Variants in ADAMTSL1 observed in about 807,000 individuals in gnomAD.
ADAMTSL1 encodes the protein ADAMTS like 1.
ADAMTSL1 carries 126 observed loss-of-function variants against 201.8 expected under a neutral mutation model. The ratio of observed to expected loss-of-function variants is 0.62; its 90% CI spans 0.54 to 0.72. ADAMTSL1 has a LOEUF of 0.72. Ranked by LOEUF, ADAMTSL1 falls within the 30% of genes least tolerant of loss-of-function variation. The pLI is 0.00. For synonymous variants in ADAMTSL1, 1,121 were observed against 903.4 expected (o/e 1.24, Z -4.32); for missense variants, 2,679 against 2,277.8 (o/e 1.18, Z -3.59).
intron 21 of ADAMTSL1, among the ~76,000 whole-genome samples, chr9:18,819,141 G>C (rs1824045139): frequency 6.6e-6 from 1 of 152,096 alleles, no homozygotes; most frequent in Non-Finnish European, 1.5e-5. Context: ...TTCTTGAGAG[G>C]TGGAACTGGT....
chr9:17,909,379 TAC>T (rs1825845917), intron 1 of ADAMTSL1, among the ~76,000 whole-genome samples: 2 of 145,878 alleles, frequency 1.4e-5, no homozygotes, highest in African/African-American at 4.9e-5. Context: ...TGGTGTTTTA[TAC>T]ATGAAGTCCT....
intron 2 of ADAMTSL1, among the ~76,000 whole-genome samples, chr9:18,322,184 G>C (rs1834649257): frequency 6.6e-6 from 1 of 152,080 alleles, no homozygotes; most frequent in Admixed American, 6.5e-5. Flanking sequence ...TATCAGCTGA[G>C]TTGCCCCTTT....
intron 1 of ADAMTSL1, among the ~76,000 whole-genome samples, chr9:18,159,833 T>C (rs953981698): frequency 6.6e-6 from 1 of 152,044 alleles, no homozygotes; most frequent in African/African-American, 2.4e-5. Context: ...GTATAAAATG[T>C]ATATTGCAGA....
chr9:18,613,851 A>C (rs1034536108), intron 4 of ADAMTSL1, among the ~76,000 whole-genome samples: 6 of 152,152 alleles, frequency 3.9e-5, no homozygotes, highest in Non-Finnish European at 8.8e-5. Context: ...CTATGTAACA[A>C]AGCTGCACAT....
intron 20 of ADAMTSL1, among the ~76,000 whole-genome samples, chr9:18,800,722 A>G (rs1421784781): frequency 1.3e-5 from 2 of 152,180 alleles, no homozygotes; most frequent in Non-Finnish European, 2.9e-5. Flanking sequence ...CATCTATTCA[A>G]TGGAATGCAG....
rs577746692 is a variant in ADAMTSL1, at chr9:18,849,649, G to A, written c.4249+19672G>A. Among the ~76,000 whole-genome samples the A allele has an allele frequency of 3.9e-5, 6 of 152,290 alleles. 1 individual carries two copies. Among genetic ancestry groups the A allele is most frequent in the African/African-American group, 9.6e-5 (4 of 41,558 alleles). ...CCCTTGAGGAGTGGGAAAGGAAGACGGAGGGAAAGGGAAGGACTCATGTCA... is the reference window on the plus strand; with the variant it reads ...CCCTTGAGGAGTGGGAAAGGAAGACAGAGGGAAAGGGAAGGACTCATGTCA... On this transcript the variant is annotated intron_variant, in intron 23 of 28. Coordinates refer to ENST00000380548, the MANE Select transcript of ADAMTSL1 (RefSeq NM_001040272.6).
intron 1 of ADAMTSL1, among the ~76,000 whole-genome samples, chr9:18,156,877 G>A (rs146141529): frequency 6.8e-4 from 103 of 152,172 alleles, no homozygotes; most frequent in Middle Eastern, 6.8e-3. Context: ...TGTTCCCTTC[G>A]TGAAAGGAAT....
intron 1 of ADAMTSL1, among the ~76,000 whole-genome samples, chr9:18,017,325 G>A (rs960694986): frequency 6.6e-6 from 1 of 151,878 alleles, no homozygotes; most frequent in African/African-American, 2.4e-5. Context: ...TTTGGAATAT[G>A]CTTCCAAGTT....
chr9:17,955,076 A>G (rs1235814367), intron 1 of ADAMTSL1, among the ~76,000 whole-genome samples: 1 of 152,218 alleles, frequency 6.6e-6, no homozygotes, highest in Non-Finnish European at 1.5e-5. Context: ...ATATATGTGT[A>G]TATTTGATGC....
chr9:18,836,478 G>A (rs1825314904), intron 23 of ADAMTSL1, among the ~76,000 whole-genome samples: 1 of 151,926 alleles, frequency 6.6e-6, no homozygotes, highest in Non-Finnish European at 1.5e-5. Flanking sequence ...AATTACTTTT[G>A]AGAACTGTTT....
intron 1 of ADAMTSL1, among the ~76,000 whole-genome samples, chr9:18,039,597 A>G (rs1821350033): frequency 3.3e-5 from 5 of 152,142 alleles, no homozygotes; most frequent in Admixed American, 3.3e-4. Flanking sequence ...GCATTGAGCA[A>G]ATTAACTGAG....
chr9:18,293,634 G>A (rs796153043), intron 2 of ADAMTSL1, among the ~76,000 whole-genome samples: 7 of 152,298 alleles, frequency 4.6e-5, no homozygotes, highest in South Asian at 2.1e-4. Context: ...GAAGAATCAT[G>A]GGGAAGATAA....
chr9:18,681,707 G>GT, intron 11 of ADAMTSL1, 105 bp from the exon 12 acceptor site: 2 of 739,844 alleles, frequency 2.7e-6, no homozygotes, highest in South Asian at 3.0e-5. Flanking sequence ...TGGGGGGGGG[G>GT]GGCGGGGAAA....
At chr9:18,367,551 T>G (rs887677132) in intron 2 of ADAMTSL1, among the ~76,000 whole-genome samples, 1 of 152,000 alleles carries the variant, frequency 6.6e-6, no homozygotes, top group Non-Finnish European at 1.5e-5. Context: ...ACACTGATAA[T>G]AGAAATAATT....
intron 26 of ADAMTSL1, among the ~76,000 whole-genome samples, chr9:18,905,289 C>G (rs1045290027): frequency 1.1e-4 from 17 of 152,140 alleles, no homozygotes; most frequent in African/African-American, 2.4e-5. Context: ...CTCTGCATAC[C>G]TAAGTCTGCT....
At chr9:18,575,542 C>T (rs1162355179) in intron 4 of ADAMTSL1, among the ~76,000 whole-genome samples, 2 of 152,094 alleles carry the variant, frequency 1.3e-5, no homozygotes, top group African/African-American at 2.4e-5. Flanking sequence ...TCCTCTAGGA[C>T]TCTTAGTGGT....
At chr9:17,939,446 G>A (rs1213183352) in intron 1 of ADAMTSL1, among the ~76,000 whole-genome samples, 2 of 151,578 alleles carry the variant, frequency 1.3e-5, no homozygotes, top group African/African-American at 4.9e-5. Flanking sequence ...CTAAAATACT[G>A]ACATTTTCAC....
At chr9:18,776,640 C>T (rs1289444671) in intron 18 of ADAMTSL1, 141 bp from the exon 19 acceptor site, 1 of 1,008,540 alleles carries the variant, frequency 9.9e-7, no homozygotes. Flanking sequence ...TACTTTCTCT[C>T]CCGTCCTCCG....
At chr9:18,160,526 A>T (rs1205815697) in intron 1 of ADAMTSL1, among the ~76,000 whole-genome samples, 1 of 152,062 alleles carries the variant, frequency 6.6e-6, no homozygotes, top group East Asian at 1.9e-4. Flanking sequence ...GCCAACTTTA[A>T]TGCATTTTTA....
Sources: allele counts gnomAD v4.1 joint callset (sites outside exome capture counted in the v4.1 genomes callset), GRCh38; gene constraint gnomAD v4.1.1; transcripts MANE v1.5; gene names NCBI Gene and HGNC (gene_info 2026-07-23, HGNC 2026-07-21).